The following RPTOR variants were observed in gnomAD, a reference collection of about 807,000 sequenced individuals.
RPTOR encodes regulatory associated protein of MTOR complex 1.
Under a neutral mutation model 169.9 loss-of-function variants are expected in RPTOR, and 21 were observed. The observed-to-expected ratio is 0.12, with a 90% CI of 0.09 to 0.18. The LOEUF (loss-of-function observed/expected upper bound fraction) is 0.18, where lower values mean the gene tolerates loss of function less well. Among genes scored for constraint, RPTOR ranks in the 10% least tolerant of loss-of-function variants. The probability of loss-of-function intolerance (pLI) is 1.00; values close to 1 mark genes in which losing one functional copy is unlikely to be tolerated. For missense variants in RPTOR, 1,133 were observed against 1,855.9 expected (o/e 0.61, Z 7.16); for synonymous variants, 732 against 753.2 (o/e 0.97, Z 0.46).
chr17:80,653,261 C>T (rs2065654431), intron 3 of RPTOR, among the ~76,000 whole-genome samples: 1 of 152,126 alleles, frequency 6.6e-6, no homozygotes, highest in Non-Finnish European at 1.5e-5. Flanking sequence ...TTTCATAAAA[C>T]TGTTAAGAGG....
intron 1 of RPTOR, among the ~76,000 whole-genome samples, chr17:80,623,512 C>A (rs756981942): frequency 2.0e-5 from 3 of 151,912 alleles, no homozygotes. Flanking sequence ...ATACCTATCA[C>A]CTTAAATATT....
chr17:80,963,423 C>T (rs2069374450), intron 33 of RPTOR, among the ~76,000 whole-genome samples: 1 of 133,656 alleles, frequency 7.5e-6, no homozygotes, highest in Non-Finnish European at 1.6e-5. Context: ...CACCCCGTCC[C>T]CTCTGCGGCC....
intron 1 of RPTOR, among the ~76,000 whole-genome samples, chr17:80,587,237 G>A (rs867919646): frequency 2.6e-4 from 39 of 152,288 alleles, no homozygotes; most frequent in Middle Eastern, 3.4e-3. Context: ...TCAACTGTTT[G>A]TGCATCCCCG....
At chr17:80,580,698 C>A (rs892750786) in intron 1 of RPTOR, among the ~76,000 whole-genome samples, 7 of 152,176 alleles carry the variant, frequency 4.6e-5, no homozygotes, top group Non-Finnish European at 1.0e-4. Flanking sequence ...TCACAGTTCG[C>A]TGTAGCCTCG....
At chr17:80,566,548 C>T (rs1211734347) in intron 1 of RPTOR, among the ~76,000 whole-genome samples, 3 of 151,984 alleles carry the variant, frequency 2.0e-5, no homozygotes, top group Non-Finnish European at 4.4e-5. Flanking sequence ...TGGCTGGGTG[C>T]GGTGGCTCAC....
chr17:80,865,326 G>T (rs1319101978), intron 13 of RPTOR, among the ~76,000 whole-genome samples: 1 of 152,228 alleles, frequency 6.6e-6, no homozygotes, highest in African/African-American at 2.4e-5. Context: ...CTGCAGTGTG[G>T]AGACTGAACG....
intron 4 of RPTOR, among the ~76,000 whole-genome samples, chr17:80,716,328 T>C (rs548585315): frequency 6.6e-6 from 1 of 152,330 alleles, no homozygotes; most frequent in East Asian, 1.9e-4. Context: ...ATTAGTGATG[T>C]TGAGCATTTT....
chr17:80,604,203 G>T (rs966755563), intron 1 of RPTOR, among the ~76,000 whole-genome samples: 7 of 152,216 alleles, frequency 4.6e-5, no homozygotes, highest in African/African-American at 1.7e-4. Flanking sequence ...GTATAATACA[G>T]TTGTAGTCAC....
chr17:80,631,528 A>C (rs1055207927), intron 2 of RPTOR, among the ~76,000 whole-genome samples: 3 of 152,014 alleles, frequency 2.0e-5, no homozygotes, highest in Admixed American at 2.0e-4. Flanking sequence ...CTCGGAGAGG[A>C]CGGGCCTGTG....
rs1369371870 is a variant in RPTOR, at chr17:80,746,590, C to T, written c.655-7420C>T. Among the ~76,000 whole-genome samples, 1 of 152,124 alleles carries T rather than the reference C, an allele frequency of 6.6e-6. No homozygotes were observed. The highest frequency in any genetic ancestry group is 1.5e-5 in the Non-Finnish European group (1 of 68,020). ...ATGAGAGTCTTTCTTGTGTTTGAGT[C>T]CCTAGGCTCCCCGGAGAAACCCCTT... is the stretch of plus-strand genomic sequence containing the variant. On this transcript the variant is annotated intron_variant, in intron 5 of 33. Transcript: ENST00000306801. The surrounding 1 kb of genome is among the most constrained non-coding windows in gnomAD (Gnocchi z 4.5).
chr17:80,818,990 T>C (rs1598327812), intron 7 of RPTOR, among the ~76,000 whole-genome samples: 1 of 152,228 alleles, frequency 6.6e-6, no homozygotes, highest in Admixed American at 6.5e-5. Context: ...AGGGGCTCTA[T>C]GAGCTTCAGT....
chr17:80,714,920 G>A (rs1428430536), intron 4 of RPTOR, among the ~76,000 whole-genome samples: 1 of 151,976 alleles, frequency 6.6e-6, no homozygotes, highest in East Asian at 1.9e-4. Flanking sequence ...ATGGGGTTTC[G>A]CCATGTTGGC....
chr17:80,819,353 G>A (rs1011220130), intron 7 of RPTOR, among the ~76,000 whole-genome samples: 4 of 152,236 alleles, frequency 2.6e-5, no homozygotes, highest in Non-Finnish European at 5.9e-5. Context: ...TGATGTAATC[G>A]TGACTATAGA....
chr17:80,634,361 G>GTGCA (rs1193369705), intron 2 of RPTOR, among the ~76,000 whole-genome samples: 2,881 of 84,680 alleles, frequency 0.034, 67 homozygotes, highest in Non-Finnish European at 0.041. Context: ...TGCGTACTGT[G>GTGCA]TGTGCATACT....
rs142660760 is a variant in RPTOR at position 80,645,498 on chromosome 17, G to C, written c.348+1688G>C. Among the ~76,000 whole-genome samples the C allele has an allele frequency of 3.0e-3, 462 of 152,288 alleles. 1 individual carries two copies. Among genetic ancestry groups the C allele is most frequent in the Non-Finnish European group, 5.2e-3 (354 of 68,030 alleles). On this transcript the variant is annotated intron_variant, in intron 3 of 33. Transcript: ENST00000306801. ...TTAGATAAGGAAATATAGCCTTTCA[G>C]AATACATGTGTTTAATATTTCAAGA...
At chr17:80,896,392 CACCCCACG>C in intron 20 of RPTOR, among the ~76,000 whole-genome samples, 3 of 29,698 alleles carry the variant, frequency 1.0e-4, no homozygotes, top group Admixed American at 4.4e-4. Flanking sequence ...GCCTCGCTGA[CACCCCACG>C]GCCGCAGCAA....
chr17:80,741,561 G>T (rs1448881920), intron 5 of RPTOR, among the ~76,000 whole-genome samples: 2 of 152,240 alleles, frequency 1.3e-5, no homozygotes, highest in Non-Finnish European at 2.9e-5. Context: ...GTGGATGGAG[G>T]TCTTGGGGTG....
chr17:80,846,900 G>A (rs1003490211), intron 11 of RPTOR, among the ~76,000 whole-genome samples: 1 of 152,230 alleles, frequency 6.6e-6, no homozygotes, highest in Non-Finnish European at 1.5e-5. Context: ...CTCTCCCCTG[G>A]CTACCATTTC....
intron 14 of RPTOR, 52 bp from the exon 15 acceptor site, chr17:80,883,367 A>T: frequency 6.6e-7 from 1 of 1,508,868 alleles, no homozygotes; most frequent in Non-Finnish European, 9.2e-7. Context: ...GTACTTTGGG[A>T]ATGAGAGTTT....
Sources: gnomAD v4.1 joint callset for allele counts (sites outside exome capture counted in the v4.1 genomes callset) on GRCh38, gnomAD v4.1.1 for gene constraint, Gnocchi (gnomAD v3.1) non-coding constraint, MANE v1.5 for transcripts, NCBI Gene and HGNC (gene_info 2026-07-23, HGNC 2026-07-21) for gene names.